The following DPP10 variants were observed in gnomAD, a reference collection of about 807,000 sequenced individuals.
DPP10 encodes the protein inactive dipeptidyl peptidase 10.
Under a neutral mutation model 120.9 loss-of-function variants are expected in DPP10, and 33 were observed. That is an observed-to-expected ratio of 0.27 (90% CI 0.21 to 0.37). The LOEUF (loss-of-function observed/expected upper bound fraction) is 0.37. DPP10 is among the 10% of genes least tolerant of loss of function. The pLI, the probability that DPP10 is intolerant of heterozygous loss-of-function variation, is 1.00. For missense variants in DPP10, 816 were observed against 942.8 expected, an observed-to-expected ratio of 0.87 and a Z score of 1.76; for synonymous variants, 337 against 326.1, an observed-to-expected ratio of 1.03 and a Z score of -0.36.
chr2:114,917,738 A>G (rs1052507102), intron 1 of DPP10, among the ~76,000 whole-genome samples: 1 of 152,198 alleles, frequency 6.6e-6, no homozygotes, highest in African/African-American at 2.4e-5. Context: ...CGGTGCTGGT[A>G]TAACTGGCTA....
intron 3 of DPP10, among the ~76,000 whole-genome samples, chr2:115,454,648 T>G (rs2105003554): frequency 6.6e-6 from 1 of 151,940 alleles, no homozygotes; most frequent in Admixed American, 6.6e-5. Flanking sequence ...TTAATATTTC[T>G]ATTAAAATCT....
intron 19 of DPP10, among the ~76,000 whole-genome samples, chr2:115,802,681 G>A (rs1226417038): frequency 2.0e-5 from 3 of 152,024 alleles, no homozygotes; most frequent in Non-Finnish European, 2.9e-5. Flanking sequence ...CCTTCATTTC[G>A]TTATGTACCC....
At chr2:115,363,499 C>G (rs569416657) in intron 3 of DPP10, among the ~76,000 whole-genome samples, 1 of 152,256 alleles carries the variant, frequency 6.6e-6, no homozygotes, top group African/African-American at 2.4e-5. Flanking sequence ...AGGAACATAT[C>G]TGTGAATCAG....
intron 5 of DPP10, among the ~76,000 whole-genome samples, chr2:115,530,028 T>G (rs915163924): frequency 3.9e-5 from 6 of 152,128 alleles, no homozygotes; most frequent in African/African-American, 1.4e-4. Flanking sequence ...TAAACATAAT[T>G]ATGGACCAGT....
intron 1 of DPP10, among the ~76,000 whole-genome samples, chr2:114,956,905 C>T (rs1698247429): frequency 6.7e-6 from 1 of 149,800 alleles, no homozygotes; most frequent in South Asian, 2.1e-4. Flanking sequence ...GAAGTTAGAC[C>T]CTTTTCTCAC....
intron 1 of DPP10, among the ~76,000 whole-genome samples, chr2:114,941,995 C>A (rs530470137): frequency 6.6e-6 from 1 of 151,832 alleles, no homozygotes; most frequent in Non-Finnish European, 1.5e-5. Context: ...ATATGTTGGC[C>A]GGGTGCGGTG....
intron 1 of DPP10, among the ~76,000 whole-genome samples, chr2:115,020,871 C>T (rs2105173804): frequency 6.6e-6 from 1 of 152,148 alleles, no homozygotes; most frequent in East Asian, 1.9e-4. Flanking sequence ...AAGAAACCCT[C>T]AGAATCATGC....
At chr2:115,299,675 T>C (rs947222718) in intron 1 of DPP10, among the ~76,000 whole-genome samples, 2 of 152,056 alleles carry the variant, frequency 1.3e-5, no homozygotes, top group East Asian at 1.9e-4. Context: ...CATGCAACAT[T>C]TTTCCGTGAA....
chr2:115,110,097 G>A (rs1022740377), intron 1 of DPP10, among the ~76,000 whole-genome samples: 2 of 152,044 alleles, frequency 1.3e-5, no homozygotes, highest in African/African-American at 2.4e-5. Context: ...CACAGCGCCT[G>A]GCAAAAAAGT....
intron 1 of DPP10, among the ~76,000 whole-genome samples, chr2:114,881,831 G>C (rs1176706953): frequency 6.6e-6 from 1 of 151,952 alleles, no homozygotes; most frequent in Non-Finnish European, 1.5e-5. Flanking sequence ...TTCTTTCCTC[G>C]GGTGAATTCA....
intron 3 of DPP10, among the ~76,000 whole-genome samples, chr2:115,408,091 C>A (rs1179753800): frequency 6.6e-6 from 1 of 151,948 alleles, no homozygotes; most frequent in Admixed American, 6.6e-5. Context: ...TCTCGGTGAC[C>A]ACGACAGGGT....
intron 5 of DPP10, among the ~76,000 whole-genome samples, chr2:115,617,301 A>AT (rs201301085): frequency 0.012 from 1,203 of 99,740 alleles, 19 homozygotes; most frequent in African/African-American, 0.039. Flanking sequence ...CACACATAGC[A>AT]TATATGTATA....
chr2:115,653,306 TA>T (rs1319207263), intron 5 of DPP10, among the ~76,000 whole-genome samples: 2 of 151,866 alleles, frequency 1.3e-5, no homozygotes, highest in East Asian at 3.9e-4. Flanking sequence ...TAAAAAAGAA[TA>T]AAAAATTATT....
chr2:115,118,314 T>A (rs2049634336), intron 1 of DPP10, among the ~76,000 whole-genome samples: 1 of 152,254 alleles, frequency 6.6e-6, no homozygotes, highest in Non-Finnish European at 1.5e-5. Flanking sequence ...CCAAAGTAAT[T>A]TCTATCACTA....
chr2:114,962,852 C>T (rs1402933896), intron 1 of DPP10, among the ~76,000 whole-genome samples: 1 of 152,098 alleles, frequency 6.6e-6, no homozygotes, highest in Non-Finnish European at 1.5e-5. Context: ...CATCTGAATC[C>T]TTCTGACATT....
intron 1 of DPP10, among the ~76,000 whole-genome samples, chr2:114,550,635 T>G (rs1440027212): frequency 6.6e-6 from 1 of 152,248 alleles, no homozygotes; most frequent in Non-Finnish European, 1.5e-5. Context: ...TTTCTTTGCC[T>G]GAGCATATTC....
At chr2:114,891,790 C>T (rs983390559) in intron 1 of DPP10, among the ~76,000 whole-genome samples, 11 of 152,086 alleles carry the variant, frequency 7.2e-5, no homozygotes, top group African/African-American at 2.7e-4. Context: ...TGTCCTTTTT[C>T]CTTGAGTGAT....
chr2:114,878,795 T>C (rs1420217233), intron 1 of DPP10, among the ~76,000 whole-genome samples: 1 of 152,138 alleles, frequency 6.6e-6, no homozygotes, highest in Non-Finnish European at 1.5e-5. Flanking sequence ...TGGTATTCCA[T>C]TGTGTATATA....
chr2:115,131,841 C>A (rs1250010352), intron 1 of DPP10: 2 of 151,936 alleles, frequency 1.3e-5, no homozygotes, highest in African/African-American at 2.4e-5. Flanking sequence ...GTAATACCAG[C>A]ACTTTGAGAA....
Sources: allele counts gnomAD v4.1 joint callset (sites outside exome capture counted in the v4.1 genomes callset), GRCh38; gene constraint gnomAD v4.1.1; transcripts MANE v1.5; gene names NCBI Gene and HGNC (gene_info 2026-07-23, HGNC 2026-07-21).